The following SRGAP1 variants were observed in gnomAD, a reference collection of about 807,000 sequenced individuals.
SRGAP1 encodes SLIT-ROBO Rho GTPase activating protein 1.
In SRGAP1, 43 loss-of-function variants were observed where a neutral mutation model predicts 121.9. That is an observed-to-expected ratio of 0.35 (90% CI 0.28 to 0.46). The LOEUF (loss-of-function observed/expected upper bound fraction) is 0.46. SRGAP1 is among the 20% of genes least tolerant of loss of function. SRGAP1 has a pLI of 1.00. For synonymous variants in SRGAP1, 447 were observed against 485.4 expected, an observed-to-expected ratio of 0.92 and a Z score of 1.04; for missense variants, 1,102 against 1,350.9, an observed-to-expected ratio of 0.82 and a Z score of 2.89.
intron 1 of SRGAP1, among the ~76,000 whole-genome samples, chr12:63,965,652 A>G (rs547710961): frequency 1.3e-5 from 2 of 152,192 alleles, no homozygotes; most frequent in African/African-American, 4.8e-5. Context: ...TCACAGTGAG[A>G]CCTCATCTCT....
At chr12:63,999,422 A>C (rs1459856051) in intron 3 of SRGAP1, among the ~76,000 whole-genome samples, 1 of 152,196 alleles carries the variant, frequency 6.6e-6, no homozygotes, top group Non-Finnish European at 1.5e-5. Flanking sequence ...CTCAGTTTGC[A>C]GCTCTTGGAA....
At position 63,865,204 on chromosome 12, in the gene SRGAP1, C is replaced by T. The variant is rs528570922; in HGVS notation, c.67+20321C>T. Among the ~76,000 whole-genome samples, 28 of 152,212 alleles carry T rather than the reference C, an allele frequency of 1.8e-4. No individual in the cohort carries two copies. The South Asian group carries it at 5.2e-3, about 28-fold the overall frequency. On this transcript the variant is annotated intron_variant, in intron 1 of 21. Transcript: ENST00000355086. ...GGGCACGGTGGCTCACTCCTGTAAT[C>T]CTAGCACTTTGGGAGGCTGAGGCGG...
At chr12:63,973,610 T>C (rs2033018002) in intron 1 of SRGAP1, among the ~76,000 whole-genome samples, 1 of 152,228 alleles carries the variant, frequency 6.6e-6, no homozygotes, top group Non-Finnish European at 1.5e-5. Context: ...TTAAATTGCT[T>C]AAAAGTCTAA....
intron 1 of SRGAP1, among the ~76,000 whole-genome samples, chr12:63,926,367 T>C (rs2031259592): frequency 6.6e-6 from 1 of 152,162 alleles, no homozygotes; most frequent in African/African-American, 2.4e-5. Context: ...ATAGTTATCA[T>C]TCCAGTTTCA....
Position 63,933,842 on chromosome 12 carries a change from A to T in SRGAP1, c.68-50105A>T, listed in dbSNP as rs79560130. Among the ~76,000 whole-genome samples, 34 of 152,340 alleles carry T rather than the reference A, an allele frequency of 2.2e-4. 1 individual carries two copies. The East Asian group carries it at 4.8e-3, about 22-fold the overall frequency. Reference sequence around the variant, plus strand: ...TTAATAAAGCAATCTTGCAAATTTTAGGTGAACCAATGGTAATTCATGGAA... The same window carrying T: ...TTAATAAAGCAATCTTGCAAATTTTTGGTGAACCAATGGTAATTCATGGAA... On this transcript the variant is annotated intron_variant, in intron 1 of 21. Transcript: ENST00000355086.
chr12:63,894,779 T>A (rs1900699922), intron 1 of SRGAP1, among the ~76,000 whole-genome samples: 1 of 152,200 alleles, frequency 6.6e-6, no homozygotes, highest in Non-Finnish European at 1.5e-5. Context: ...GCTTCATCCA[T>A]GTCCCTACAA....
chr12:63,857,236 C>T (rs547101697), intron 1 of SRGAP1, among the ~76,000 whole-genome samples: 5 of 150,818 alleles, frequency 3.3e-5, no homozygotes, highest in Non-Finnish European at 5.9e-5. Context: ...TGCTCCACCA[C>T]GCCCAGCTAA....
At position 64,062,960 on chromosome 12, in the gene SRGAP1, G is replaced by A; in HGVS notation, c.845G>A (p.Arg282Lys). Residue 282 changes from arginine (R) to lysine (K), a missense_variant, in exon 7 of 22, where the codon AGA (arginine) becomes AAA (lysine). Around this residue, in one of 3 missense-constraint regions of SRGAP1, gnomAD observed 747 missense variants for 929.4 expected, o/e 0.80. Coordinates refer to ENST00000355086, the MANE Select transcript of SRGAP1 (RefSeq NM_020762.4). ...GYHASLNRAL[R>K]TYLSAEYNLE... Reference sequence around the variant, plus strand: ...CATGCAAGTCTGAACAGAGCCCTAAGAACATATCTGTCTGCGGAGTACAAC... The same window carrying A: ...CATGCAAGTCTGAACAGAGCCCTAAAAACATATCTGTCTGCGGAGTACAAC... The A allele has an allele frequency of 6.2e-7, 1 of 1,614,008 alleles. No homozygotes were observed. The highest frequency in any genetic ancestry group is 8.5e-7 in the Non-Finnish European group (1 of 1,179,982).
rs73315369 is a variant in SRGAP1, at chr12:63,874,592, T to C, written c.67+29709T>C. Among the ~76,000 whole-genome samples the C allele has an allele frequency of 3.4e-3, 525 of 152,222 alleles. 3 individuals are homozygous for C. Among genetic ancestry groups the C allele is most frequent in the African/African-American group, 0.012 (508 of 41,528 alleles). ...GAAAAATATGATTAATAAAATACAG[T>C]ATATACCGGAATATATTACAATTAT... is the stretch of plus-strand genomic sequence containing the variant. On this transcript the variant is annotated intron_variant, in intron 1 of 21. Transcript: ENST00000355086.
chr12:64,066,561 G>A (rs922384255), intron 8 of SRGAP1, among the ~76,000 whole-genome samples: 3 of 152,138 alleles, frequency 2.0e-5, no homozygotes, highest in Admixed American at 2.0e-4. Flanking sequence ...ATCCCACCAA[G>A]ATGTTTGAGC....
At chr12:63,861,379 A>G (rs1565924692) in intron 1 of SRGAP1, among the ~76,000 whole-genome samples, 1 of 150,950 alleles carries the variant, frequency 6.6e-6, no homozygotes, top group East Asian at 2.0e-4. Flanking sequence ...AGCTTACTGC[A>G]ACCTCCGCCT....
Position 64,152,107 on chromosome 12 carries a change from TAC to T in SRGAP1, c.*9436_*9437del, listed in dbSNP as rs2037125317. 6.6e-6 allele frequency: 1 copy of T among 152,186 alleles called. No individual in the cohort carries two copies. Among genetic ancestry groups the T allele is most frequent in the Admixed American group, 6.5e-5 (1 of 15,280 alleles). The allele number at this position is 152,186 out of a possible 1,614,324, so 9.4% of individuals were successfully genotyped here. On this transcript the variant is annotated 3_prime_UTR_variant, in exon 22 of 22. Coordinates refer to ENST00000355086, the MANE Select transcript of SRGAP1 (RefSeq NM_020762.4). ...ACCTAACAAACAATCATTGAAAATG[TAC>T]CATGTACTGACATCGTTTTCCTCAA...
intron 1 of SRGAP1, among the ~76,000 whole-genome samples, chr12:63,978,676 G>A (rs2033160486): frequency 8.2e-6 from 1 of 121,366 alleles, no homozygotes; most frequent in Admixed American, 8.4e-5. Flanking sequence ...TCACGTGCAA[G>A]TTTTTGTATG....
chr12:63,934,704 A>G (rs2031602170), intron 1 of SRGAP1, among the ~76,000 whole-genome samples: 1 of 152,132 alleles, frequency 6.6e-6, no homozygotes, highest in Non-Finnish European at 1.5e-5. Context: ...GATGCCCTGG[A>G]TACCTCAAAG....
rs1035676628 is a variant in SRGAP1, at chr12:64,156,867, A to G, written c.*14195A>G. The stretch of plus-strand genomic sequence containing the variant: ...CCAGGGGTCAATGGCGAAAGAACAC[A>G]TTTCTCTAGGAAAGATTACCTTCTC... On this transcript the variant is annotated 3_prime_UTR_variant, in exon 22 of 22. Coordinates refer to ENST00000355086, the MANE Select transcript of SRGAP1 (RefSeq NM_020762.4). 29 of 152,316 alleles carry G rather than the reference A, an allele frequency of 1.9e-4. No homozygotes were observed. Among genetic ancestry groups the G allele is most frequent in the African/African-American group, 5.8e-4 (24 of 41,552 alleles). The allele number at this position is 152,316 out of a possible 1,614,324, so 9.4% of individuals were successfully genotyped here.
intron 1 of SRGAP1, among the ~76,000 whole-genome samples, chr12:63,865,798 C>G (rs1427736120): frequency 6.6e-6 from 1 of 152,152 alleles, no homozygotes; most frequent in Non-Finnish European, 1.5e-5. Flanking sequence ...GAGCATACTT[C>G]TCAGATGTAA....
At chr12:64,113,133 C>T (rs980661969) in intron 17 of SRGAP1, among the ~76,000 whole-genome samples, 9 of 151,314 alleles carry the variant, frequency 5.9e-5, no homozygotes, top group Non-Finnish European at 4.4e-5. Flanking sequence ...AAAGGCTGGG[C>T]GCAGTGGCTC....
chr12:64,127,472 C>A, intron 19 of SRGAP1, 118 bp from the exon 20 acceptor site: 2 of 977,400 alleles, frequency 2.0e-6, no homozygotes, highest in Non-Finnish European at 2.9e-6. Context: ...GGCTTTCATG[C>A]ATAATGCTAT....
chr12:63,884,060 A>G (rs1461220361), intron 1 of SRGAP1, among the ~76,000 whole-genome samples: 1 of 151,052 alleles, frequency 6.6e-6, no homozygotes, highest in Non-Finnish European at 1.5e-5. Context: ...AGGCGGGCGG[A>G]TCACTTGAGG....
Sources: allele counts gnomAD v4.1 joint callset (sites outside exome capture counted in the v4.1 genomes callset), GRCh38; gene constraint gnomAD v4.1.1; regional missense constraint gnomAD v4.1.1; transcripts MANE v1.5; gene names NCBI Gene and HGNC (gene_info 2026-07-23, HGNC 2026-07-21).